The following AP3S2 variants were observed in gnomAD, a reference collection of about 807,000 sequenced individuals.
The protein encoded by AP3S2 is adaptor related protein complex 3 subunit sigma 2.
In AP3S2, 22 loss-of-function variants were observed where a neutral mutation model predicts 23.4. That is an observed-to-expected ratio of 0.94 (90% CI 0.67 to 1.34). The LOEUF is 1.34. Ranked by LOEUF, AP3S2 falls within the 40% of genes most tolerant of loss-of-function variation. The pLI is 0.00. For missense variants in AP3S2, 241 were observed against 236.9 expected (o/e 1.02, Z -0.11); for synonymous variants, 86 against 87.1 (o/e 0.99, Z 0.07).
rs146890354 is a variant in AP3S2 at position 89,833,512 on chromosome 15, G to A, written c.*2003C>T. ...CAAAATGGGGATAAGAATGCCTGTT[G>A]TAAGGACAGTTGAATGATCTTGCTC... On this transcript the variant is annotated 3_prime_UTR_variant, in exon 6 of 6. Coordinates refer to ENST00000336418, the MANE Select transcript of AP3S2 (RefSeq NM_005829.5). The A allele has an allele frequency of 6.6e-6, 1 of 152,204 alleles. No individual in the cohort carries two copies. Among genetic ancestry groups the A allele is most frequent in the South Asian group, 2.1e-4 (1 of 4,832 alleles). The allele number at this position is 152,204 out of a possible 1,614,324, so 9.4% of individuals were successfully genotyped here. A position where few individuals can be genotyped will look rare whatever the true frequency, so the allele number is the denominator to read the frequency against.
At position 89,872,684 on chromosome 15, in the gene AP3S2, T is replaced by C. The variant is rs939955159; in HGVS notation, c.274-1138A>G. Among the ~76,000 whole-genome samples, 3 of 152,184 alleles carry C rather than the reference T, an allele frequency of 2.0e-5. No individual in the cohort carries two copies. The East Asian group carries it at 5.8e-4, about 29-fold the overall frequency. On this transcript the variant is annotated intron_variant, in intron 3 of 5. Coordinates refer to ENST00000336418, the MANE Select transcript of AP3S2 (RefSeq NM_005829.5). ...CACTGTAGCACAAGATGGGTGCTCA[T>C]AGGCAAACCACCCTGCAGCGGCTGC...
At chr15:89,877,252 T>C (rs987254493) in intron 3 of AP3S2, 1 of 1,148,178 alleles carries the variant, frequency 8.7e-7, no homozygotes, top group African/African-American at 1.6e-5. Context: ...AGGAACGGGA[T>C]TGGGTTTCAC....
chr15:89,867,140 A>C (rs1237910190), intron 4 of AP3S2, among the ~76,000 whole-genome samples: 1 of 146,098 alleles, frequency 6.8e-6, no homozygotes, highest in Non-Finnish European at 1.5e-5. Context: ...CTCCTGCCTC[A>C]GCCTGCCGAG....
At chr15:89,880,193 G>C (rs757215821) in intron 3 of AP3S2, among the ~76,000 whole-genome samples, 6 of 151,864 alleles carry the variant, frequency 4.0e-5, no homozygotes, top group Non-Finnish European at 8.8e-5. Context: ...TTCAAAAGAA[G>C]AAATGAATAA....
At chr15:89,852,581 C>T (rs970959336) in intron 4 of AP3S2, 1 of 152,260 alleles carries the variant, frequency 6.6e-6, no homozygotes, top group Non-Finnish European at 1.5e-5. Context: ...TCTTCTGGAG[C>T]AACACAGAGT....
chr15:89,857,734 A>G (rs1895874700), intron 4 of AP3S2, among the ~76,000 whole-genome samples: 1 of 152,200 alleles, frequency 6.6e-6, no homozygotes, highest in Admixed American at 6.5e-5. Context: ...AAAATCAAAC[A>G]TTAACTTTTC....
chr15:89,878,343 G>A (rs1051656494), intron 3 of AP3S2: 6 of 613,600 alleles, frequency 9.8e-6, no homozygotes, highest in African/African-American at 3.8e-5. Flanking sequence ...GAAAATATTT[G>A]CAATAAATAT....
At chr15:89,880,673 CAA>C (rs11403473) in intron 3 of AP3S2, among the ~76,000 whole-genome samples, 1 of 137,026 alleles carries the variant, frequency 7.3e-6, no homozygotes. Context: ...GACTCCGTCT[CAA>C]AAAAAAAAAA....
chr15:89,847,715 A>C (rs973522992), intron 4 of AP3S2, among the ~76,000 whole-genome samples: 1 of 152,234 alleles, frequency 6.6e-6, no homozygotes, highest in Non-Finnish European at 1.5e-5. Context: ...AAGGTATTTA[A>C]ATTACCTTTT....
At chr15:89,867,008 CT>C (rs1258763099) in intron 4 of AP3S2, among the ~76,000 whole-genome samples, 4 of 114,186 alleles carry the variant, frequency 3.5e-5, no homozygotes, top group African/African-American at 6.6e-5. Context: ...CCCTCTCCCC[CT>C]ACCCCTCCCC....
chr15:89,844,261 TTCTTTCTTTC>T (rs1329546433), intron 4 of AP3S2, among the ~76,000 whole-genome samples: 136 of 30,792 alleles, frequency 4.4e-3, no homozygotes, highest in Middle Eastern at 0.016. Context: ...CTTTCTTTCT[TTCTTTCTTTC>T]TCTCTCTCTC....
In AP3S2 at chr15:89,846,549, C is replaced by T. The variant is rs56785364; in HGVS notation, c.346-8827G>A. Among the ~76,000 whole-genome samples the T allele has an allele frequency of 5.4e-3, 817 of 150,526 alleles. 4 individuals are homozygous for T. The highest frequency in any genetic ancestry group is 0.019 in the African/African-American group (790 of 40,898). ...AATTTTTTTTCTTTTTTTTTTGAGA[C>T]GGAGTCTCGCTCTGTGGCCCAGGCT... is the stretch of plus-strand genomic sequence containing the variant. On this transcript the variant is annotated intron_variant, in intron 4 of 5. Transcript: ENST00000336418.
chr15:89,889,262 T>A (rs967918790), intron 1 of AP3S2, 122 bp from the exon 2 acceptor site: 40 of 1,013,026 alleles, frequency 3.9e-5, no homozygotes, highest in Middle Eastern at 5.1e-4. Context: ...AGTACTTGTT[T>A]CTAGAAATGA....
intron 3 of AP3S2, among the ~76,000 whole-genome samples, chr15:89,885,802 G>T (rs564015431): frequency 5.1e-4 from 77 of 151,868 alleles, no homozygotes; most frequent in Non-Finnish European, 8.5e-4. Context: ...TTAGCCAGAT[G>T]TGGTGACGCA....
chr15:89,892,389 G>A (rs1290801593), intron 1 of AP3S2, among the ~76,000 whole-genome samples: 3 of 152,086 alleles, frequency 2.0e-5, no homozygotes, highest in Non-Finnish European at 4.4e-5. Flanking sequence ...AAGTAAACTG[G>A]GGCCGGACAC....
intron 3 of AP3S2, among the ~76,000 whole-genome samples, chr15:89,887,265 T>C (rs1451178926): frequency 6.6e-6 from 1 of 152,252 alleles, no homozygotes; most frequent in Non-Finnish European, 1.5e-5. Context: ...CCTACAAAAC[T>C]ATATATTCAA....
chr15:89,880,789 A>C (rs374948290), intron 3 of AP3S2, among the ~76,000 whole-genome samples: 1 of 152,218 alleles, frequency 6.6e-6, no homozygotes, highest in Admixed American at 6.5e-5. Flanking sequence ...AACTAAATCC[A>C]ATTATGTATT....
chr15:89,855,845 C>A, intron 4 of AP3S2, among the ~76,000 whole-genome samples: 2 of 131,182 alleles, frequency 1.5e-5, no homozygotes, highest in African/African-American at 2.8e-5. Context: ...AGGGAAACTC[C>A]ATCAGAAAAA....
At chr15:89,893,517 G>A (rs183480180) in intron 1 of AP3S2, 979 of 400,374 alleles carry the variant, frequency 2.4e-3, no homozygotes, top group Admixed American at 3.8e-3. Context: ...TCTTCCTCAT[G>A]AAACTGTGGT....
Sources: allele counts gnomAD v4.1 joint callset (sites outside exome capture counted in the v4.1 genomes callset), GRCh38; gene constraint gnomAD v4.1.1; transcripts MANE v1.5; gene names NCBI Gene and HGNC (gene_info 2026-07-23, HGNC 2026-07-21).